BTRC: variants seen among roughly 807,000 people sequenced by gnomAD.
BTRC encodes beta-transducin repeat containing E3 ubiquitin protein ligase.
A neutral mutation model predicts 85.5 loss-of-function variants in BTRC; 42 were observed. The observed-to-expected ratio is 0.49, with a 90% CI of 0.38 to 0.64. The LOEUF is 0.64. BTRC is among the 30% of genes least tolerant of loss of function. BTRC has a pLI of 0.00. For missense variants in BTRC, 594 were observed against 743.5 expected (o/e 0.80, Z 2.34); for synonymous variants, 255 against 263.3 (o/e 0.97, Z 0.30).
rs184615621 is a variant in BTRC at position 101,514,056 on chromosome 10, G to T, written c.325-7583G>T. 4.6e-5 allele frequency among the ~76,000 whole-genome samples: 7 copies of T among 152,156 alleles called. No homozygotes were observed. The East Asian group carries it at 1.4e-3, about 29-fold the overall frequency. On this transcript the variant is annotated intron_variant, in intron 4 of 14. Coordinates refer to ENST00000370187, the MANE Select transcript of BTRC (RefSeq NM_033637.4). ...TGAACATCTTTTCATATGCTTATTG[G>T]CATCTGTGGATCTTTTTTTGTGAAG...
Position 101,475,954 on chromosome 10 carries a change from T to TA in BTRC, c.235-3414_235-3413insA, listed in dbSNP as rs1554884571. Among the ~76,000 whole-genome samples the TA allele has an allele frequency of 1.9e-4, 25 of 134,110 alleles. 1 individual carries two copies. Among genetic ancestry groups the TA allele is most frequent in the Middle Eastern group, 3.8e-3 (1 of 260 alleles). 88.0% of individuals were successfully genotyped at this position (134,110 alleles called of 152,430 possible). On this transcript the variant is annotated intron_variant, in intron 3 of 14. Coordinates refer to ENST00000370187, the MANE Select transcript of BTRC (RefSeq NM_033637.4). ...ATATATATATATATATATATATATA[T>TA]TCAGTAATTCCTAAGGGGAAAATAA... is the stretch of plus-strand genomic sequence containing the variant.
chr10:101,514,747 C>G (rs2062000227), intron 4 of BTRC, among the ~76,000 whole-genome samples: 1 of 152,100 alleles, frequency 6.6e-6, no homozygotes, highest in Admixed American at 6.5e-5. Flanking sequence ...GCCACCGTGC[C>G]TGGCCTCCCC....
intron 1 of BTRC, among the ~76,000 whole-genome samples, chr10:101,401,896 G>T (rs564703142): frequency 2.0e-5 from 3 of 151,700 alleles, no homozygotes; most frequent in African/African-American, 7.2e-5. Flanking sequence ...GCTTAGCAGG[G>T]CAAAAAAAGA....
intron 1 of BTRC, among the ~76,000 whole-genome samples, chr10:101,367,357 T>A (rs1272950067): frequency 6.6e-6 from 1 of 151,894 alleles, no homozygotes; most frequent in Non-Finnish European, 1.5e-5. Flanking sequence ...CGTGAGCCAC[T>A]CACTGCGCCT....
intron 4 of BTRC, among the ~76,000 whole-genome samples, chr10:101,511,757 C>A (rs954843971): frequency 6.6e-6 from 1 of 152,154 alleles, no homozygotes; most frequent in Non-Finnish European, 1.5e-5. Context: ...GAACTCCTGA[C>A]CTCAAGTGAT....
chr10:101,547,417 T>G (rs1169441374), intron 13 of BTRC, among the ~76,000 whole-genome samples: 1 of 133,960 alleles, frequency 7.5e-6, no homozygotes, highest in Admixed American at 8.7e-5. Flanking sequence ...CTCGGCTCAC[T>G]GCAACCTCCA....
intron 4 of BTRC, among the ~76,000 whole-genome samples, chr10:101,508,633 G>A (rs1014430110): frequency 6.6e-6 from 1 of 152,160 alleles, no homozygotes; most frequent in Admixed American, 6.5e-5. Context: ...ACTAAAAGTA[G>A]GCTGGGCGTG....
At chr10:101,514,860 C>A (rs2062002447) in intron 4 of BTRC, among the ~76,000 whole-genome samples, 1 of 152,208 alleles carries the variant, frequency 6.6e-6, no homozygotes, top group African/African-American at 2.4e-5. Flanking sequence ...TACACCAAAG[C>A]CACACTATCT....
intron 1 of BTRC, among the ~76,000 whole-genome samples, chr10:101,429,511 CT>C (rs1364442441): frequency 9.2e-4 from 113 of 123,454 alleles, no homozygotes; most frequent in African/African-American, 3.1e-3. Context: ...CCCTCCCCCC[CT>C]CCCCTCCCTC....
At chr10:101,461,583 T>C (rs1021816672) in intron 2 of BTRC, among the ~76,000 whole-genome samples, 2 of 152,128 alleles carry the variant, frequency 1.3e-5, no homozygotes, top group Non-Finnish European at 2.9e-5. Flanking sequence ...GACCCAGACT[T>C]GGAGATCTGT....
intron 1 of BTRC, among the ~76,000 whole-genome samples, chr10:101,357,720 T>TA (rs1472143986): frequency 1.3e-5 from 2 of 152,328 alleles, no homozygotes; most frequent in East Asian, 1.9e-4. Flanking sequence ...AGTGCCTTGA[T>TA]AAAGAATTTT....
At chr10:101,467,008 A>G (rs1392947476) in intron 3 of BTRC, among the ~76,000 whole-genome samples, 3 of 152,208 alleles carry the variant, frequency 2.0e-5, no homozygotes, top group African/African-American at 4.8e-5. Context: ...CATCACTGAC[A>G]CAGAAAATGA....
At chr10:101,359,987 A>G (rs181452068) in intron 1 of BTRC, among the ~76,000 whole-genome samples, 1 of 152,350 alleles carries the variant, frequency 6.6e-6, no homozygotes, top group Admixed American at 6.5e-5. Flanking sequence ...TAAAAATTCA[A>G]CTTTGAGTAG....
intron 4 of BTRC, among the ~76,000 whole-genome samples, chr10:101,506,762 T>C (rs144992221): frequency 3.9e-5 from 6 of 152,320 alleles, no homozygotes; most frequent in African/African-American, 1.4e-4. Flanking sequence ...TCTAAACAAC[T>C]GAAGTTTACT....
At chr10:101,423,011 C>T (rs1944147616) in intron 1 of BTRC, among the ~76,000 whole-genome samples, 2 of 152,026 alleles carry the variant, frequency 1.3e-5, no homozygotes. Flanking sequence ...TGAAGAAAGT[C>T]ATTGGTATTG....
intron 2 of BTRC, among the ~76,000 whole-genome samples, chr10:101,455,227 T>G (rs897564128): frequency 9.9e-5 from 15 of 151,682 alleles, no homozygotes; most frequent in African/African-American, 3.6e-4. Context: ...ATTTTTTTTT[T>G]TTTTTTTTAT....
intron 1 of BTRC, among the ~76,000 whole-genome samples, chr10:101,419,332 A>G (rs1380873896): frequency 6.6e-6 from 1 of 152,046 alleles, no homozygotes; most frequent in Non-Finnish European, 1.5e-5. Flanking sequence ...GTTTCTTTCA[A>G]TCAGGAGTCT....
chr10:101,449,154 C>T (rs569594105), intron 2 of BTRC, among the ~76,000 whole-genome samples: 24 of 151,900 alleles, frequency 1.6e-4, no homozygotes, highest in African/African-American at 5.3e-4. Context: ...TTTTACGTCT[C>T]GGGATATTAG....
chr10:101,421,439 G>A (rs1005344385), intron 1 of BTRC, among the ~76,000 whole-genome samples: 11 of 152,004 alleles, frequency 7.2e-5, no homozygotes, highest in Non-Finnish European at 1.2e-4. Flanking sequence ...TCATCAACGT[G>A]TAATTTATTT....
Sources: allele counts gnomAD v4.1 joint callset (sites outside exome capture counted in the v4.1 genomes callset), GRCh38; gene constraint gnomAD v4.1.1; transcripts MANE v1.5; gene names NCBI Gene and HGNC (gene_info 2026-07-23, HGNC 2026-07-21).